Variants in CPEB4 observed in about 807,000 individuals in gnomAD.
The protein encoded by CPEB4 is cytoplasmic polyadenylation element-binding protein 4.
CPEB4 carries 12 observed loss-of-function variants against 72.5 expected under a neutral mutation model. That is an observed-to-expected ratio of 0.17 (90% CI 0.11 to 0.27). The LOEUF is 0.27. Among genes scored for constraint, CPEB4 ranks in the 10% least tolerant of loss-of-function variants. The pLI, the probability that CPEB4 is intolerant of heterozygous loss-of-function variation, is 1.00. For missense variants in CPEB4, 614 were observed against 908.5 expected (o/e 0.68, Z 4.17); for synonymous variants, 302 against 326.3 (o/e 0.93, Z 0.80).
chr5:173,920,650 A>C (rs2113205888), intron 2 of CPEB4, among the ~76,000 whole-genome samples: 1 of 152,304 alleles, frequency 6.6e-6, no homozygotes, highest in Non-Finnish European at 1.5e-5. Flanking sequence ...CAATTTCCTC[A>C]CCTGTAAACG....
intron 2 of CPEB4, among the ~76,000 whole-genome samples, chr5:173,914,958 A>G (rs1756812276): frequency 6.6e-6 from 1 of 152,178 alleles, no homozygotes; most frequent in South Asian, 2.1e-4. Context: ...CCTCATAGGT[A>G]TGCAGTTTGT....
chr5:173,927,407 G>T (rs959129769), intron 2 of CPEB4, among the ~76,000 whole-genome samples: 1 of 152,326 alleles, frequency 6.6e-6, no homozygotes, highest in Admixed American at 6.5e-5. Flanking sequence ...AAGAAGGTTA[G>T]CCAGAAGCTG....
chr5:173,944,914 T>C lies in CPEB4; in HGVS notation c.1283-53T>C, dbSNP rs188425846. ...GTTTCCTTGTTTCTTTGCATGATAATCAGTGGCAAGGAACATTTTCTGTTA... is the reference window on the plus strand; with the variant it reads ...GTTTCCTTGTTTCTTTGCATGATAACCAGTGGCAAGGAACATTTTCTGTTA... On this transcript the variant is annotated intron_variant, in intron 4 of 9. Coordinates refer to ENST00000265085, the MANE Select transcript of CPEB4 (RefSeq NM_030627.4). The C allele has an allele frequency of 1.7e-4, 256 of 1,465,630 alleles. No homozygotes were observed. The African/African-American group carries it at 3.3e-3, about 19-fold the overall frequency. 90.8% of individuals were successfully genotyped at this position (1,465,630 alleles called of 1,614,324 possible).
chr5:173,960,501 G>A lies in CPEB4; in HGVS notation c.*4364G>A, dbSNP rs561598605. 11 of 152,374 alleles carry A rather than the reference G, an allele frequency of 7.2e-5. No individual in the cohort carries two copies. Among genetic ancestry groups the A allele is most frequent in the African/African-American group, 1.7e-4 (7 of 41,544 alleles). The allele number at this position is 152,374 out of a possible 1,614,324, so 9.4% of individuals were successfully genotyped here. A position where few individuals can be genotyped will look rare whatever the true frequency, so the allele number is the denominator to read the frequency against. The stretch of plus-strand genomic sequence containing the variant: ...TGTAAGCCTATAAGCGTCGGTGGGT[G>A]GTTGTGTCTTTGGCCTGTACTGTTA... On this transcript the variant is annotated 3_prime_UTR_variant, in exon 10 of 10. Coordinates refer to ENST00000265085, the MANE Select transcript of CPEB4 (RefSeq NM_030627.4).
chr5:173,916,463 A>G (rs1756872646), intron 2 of CPEB4, among the ~76,000 whole-genome samples: 1 of 152,224 alleles, frequency 6.6e-6, no homozygotes, highest in African/African-American at 2.4e-5. Flanking sequence ...TAGTGGAAGC[A>G]TGTTATACAT....
At chr5:173,901,096 A>G (rs2113145762) in intron 1 of CPEB4, among the ~76,000 whole-genome samples, 1 of 152,364 alleles carries the variant, frequency 6.6e-6, no homozygotes, top group South Asian at 2.1e-4. Flanking sequence ...CAAGCCTAGA[A>G]TGGTCATTTG....
At position 173,951,845 on chromosome 5, in the gene CPEB4, C is replaced by A. The variant is rs762344894; in HGVS notation, c.1687C>A (p.Leu563Ile). 2.4e-5 allele frequency: 39 copies of A among 1,613,338 alleles called. No individual in the cohort carries two copies. The highest frequency in any genetic ancestry group is 1.2e-4 in the Admixed American group (7 of 59,990). The change falls in exon 8 of 10, where the codon CTC becomes ATC. Residue 563 changes from leucine (L) to isoleucine (I), a missense_variant. Coordinates refer to ENST00000265085, the MANE Select transcript of CPEB4 (RefSeq NM_030627.4). ...CTAGGTCCAGATTCGGCCTTGGAAT[C>A]TCAGTGACAGTGACTTTGTGATGGA... is the stretch of plus-strand genomic sequence containing the variant. ...DKPVQIRPWN[L>I]SDSDFVMDGS...
At chr5:173,930,182 G>A (rs1400758090) in intron 2 of CPEB4, among the ~76,000 whole-genome samples, 1 of 151,982 alleles carries the variant, frequency 6.6e-6, no homozygotes, top group Non-Finnish European at 1.5e-5. Context: ...AGCCTCCCCA[G>A]TAGCTGGGTT....
intron 5 of CPEB4, among the ~76,000 whole-genome samples, chr5:173,948,185 A>G (rs562989757): frequency 3.9e-5 from 6 of 152,194 alleles, no homozygotes; most frequent in Non-Finnish European, 7.4e-5. Context: ...ATGTAGAAGG[A>G]ATGATGGAAA....
At chr5:173,937,147 A>G (rs1211412530) in intron 3 of CPEB4, among the ~76,000 whole-genome samples, 2 of 150,316 alleles carry the variant, frequency 1.3e-5, no homozygotes, top group Non-Finnish European at 1.5e-5. Context: ...GGTTCAAGCA[A>G]TTGTCCTGCC....
At chr5:173,911,206 C>G (rs1403174941) in intron 2 of CPEB4, among the ~76,000 whole-genome samples, 2 of 151,902 alleles carry the variant, frequency 1.3e-5, no homozygotes, top group Non-Finnish European at 1.5e-5. Flanking sequence ...GTAGAATTAC[C>G]CGGGTGCTTT....
intron 1 of CPEB4, among the ~76,000 whole-genome samples, chr5:173,902,576 C>A (rs1351001637): frequency 2.0e-5 from 3 of 152,066 alleles, no homozygotes; most frequent in African/African-American, 7.2e-5. Context: ...AGCACATAAC[C>A]TAACTGTGAA....
At chr5:173,910,854 A>C (rs1448889885) in intron 2 of CPEB4, 10 of 423,514 alleles carry the variant, frequency 2.4e-5, no homozygotes, top group Non-Finnish European at 4.2e-5. Flanking sequence ...CAATTATCTC[A>C]AAGACACCAA....
At chr5:173,948,838 C>T (rs1414546113) in intron 5 of CPEB4, among the ~76,000 whole-genome samples, 1 of 152,086 alleles carries the variant, frequency 6.6e-6, no homozygotes, top group Non-Finnish European at 1.5e-5. Flanking sequence ...TCTCCAGAGC[C>T]TCTTTTATAA....
At position 173,958,370 on chromosome 5, in the gene CPEB4, AT is replaced by A. The variant is rs1758443486; in HGVS notation, c.*2235del. ...TTTATGCAATACCTCAATTTTTCAT[AT>A]TGCAAAGAGTAGCTTTTTGTACTTT... On this transcript the variant is annotated 3_prime_UTR_variant, in exon 10 of 10. Coordinates refer to ENST00000265085, the MANE Select transcript of CPEB4 (RefSeq NM_030627.4). 1 of 152,716 alleles carries A rather than the reference AT, an allele frequency of 6.5e-6. No homozygotes were observed. Among genetic ancestry groups the A allele is most frequent in the East Asian group, 1.9e-4 (1 of 5,340 alleles). The allele number at this position is 152,716 out of a possible 1,614,324, so 9.5% of individuals were successfully genotyped here.
chr5:173,937,338 C>G (rs969360763), intron 3 of CPEB4, among the ~76,000 whole-genome samples: 1 of 152,078 alleles, frequency 6.6e-6, no homozygotes, highest in African/African-American at 2.4e-5. Context: ...TCACCTCACC[C>G]GGCCCAACAT....
chr5:173,888,602 A>G lies in CPEB4; in HGVS notation c.-1132A>G, dbSNP rs1755692387. 2.5e-6 allele frequency: 1 copy of G among 401,100 alleles called. No homozygotes were observed. Among genetic ancestry groups the G allele is most frequent in the African/African-American group, 2.1e-5 (1 of 48,656 alleles). 24.8% of individuals were successfully genotyped at this position (401,100 alleles called of 1,614,324 possible). ...AAAAGCCTTCTAAATTATAGTTTAA[A>G]AAAAAATTCTGGGGGAAAAGAGAGA... On this transcript the variant is annotated 5_prime_UTR_variant, in exon 1 of 10. Coordinates refer to ENST00000265085, the MANE Select transcript of CPEB4 (RefSeq NM_030627.4). The surrounding 1 kb of genome is among the most constrained non-coding windows in gnomAD (Gnocchi z 4.3).
intron 3 of CPEB4, among the ~76,000 whole-genome samples, chr5:173,939,996 C>A (rs952397635): frequency 6.7e-6 from 1 of 149,788 alleles, no homozygotes; most frequent in Non-Finnish European, 1.5e-5. Flanking sequence ...GGTGTATAGT[C>A]CCAGCGAGAC....
At chr5:173,930,876 C>G (rs1757421456) in intron 2 of CPEB4, among the ~76,000 whole-genome samples, 1 of 151,292 alleles carries the variant, frequency 6.6e-6, no homozygotes, top group South Asian at 2.1e-4. Flanking sequence ...GTAGTCCCAG[C>G]TACTTGGGAG....
Sources: allele counts gnomAD v4.1 joint callset (sites outside exome capture counted in the v4.1 genomes callset), GRCh38; gene constraint gnomAD v4.1.1; non-coding constraint Gnocchi (gnomAD v3.1); transcripts MANE v1.5; gene names NCBI Gene and HGNC (gene_info 2026-07-23, HGNC 2026-07-21).